GLRA3: variants seen among roughly 807,000 people sequenced by gnomAD.
The protein encoded by GLRA3 is glycine receptor alpha 3, also known as glycine receptor subunit alpha-3.
A neutral mutation model predicts 60.4 loss-of-function variants in GLRA3; 44 were observed. That is an observed-to-expected ratio of 0.73 (90% CI 0.57 to 0.94). GLRA3 has a LOEUF of 0.94. Ranked by LOEUF, GLRA3 falls within the 40% of genes least tolerant of loss-of-function variation. The probability of loss-of-function intolerance (pLI) is 0.00; values close to 1 mark genes in which losing one functional copy is unlikely to be tolerated. For missense variants in GLRA3, 508 were observed against 564.6 expected (o/e 0.90, Z 1.02); for synonymous variants, 223 against 192.9 (o/e 1.16, Z -1.29).
chr4:174,795,794 A>G (rs1739542304), intron 1 of GLRA3, among the ~76,000 whole-genome samples: 2 of 152,174 alleles, frequency 1.3e-5, no homozygotes, highest in African/African-American at 4.8e-5. Flanking sequence ...AGTTCAGTCG[A>G]TTACTCTGTG....
chr4:174,779,640 C>G (rs1265002909), intron 2 of GLRA3, among the ~76,000 whole-genome samples: 1 of 152,066 alleles, frequency 6.6e-6, no homozygotes, highest in African/African-American at 2.4e-5. Context: ...AGCTGAAAAC[C>G]AAGGCTCGAG....
chr4:174,765,202 A>T (rs1211655251), intron 3 of GLRA3, among the ~76,000 whole-genome samples: 1 of 152,040 alleles, frequency 6.6e-6, no homozygotes, highest in Non-Finnish European at 1.5e-5. Flanking sequence ...TTGTTAAGGT[A>T]AGAAATTTAA....
intron 3 of GLRA3, among the ~76,000 whole-genome samples, chr4:174,765,789 G>A (rs1738114842): frequency 6.6e-6 from 1 of 151,928 alleles, no homozygotes; most frequent in Admixed American, 6.6e-5. Context: ...TGTTAACTTA[G>A]ATTGTATCAT....
chr4:174,692,189 C>T (rs868722871), intron 5 of GLRA3, among the ~76,000 whole-genome samples: 19,197 of 150,386 alleles, frequency 0.13, 1,480 homozygotes, highest in Non-Finnish European at 0.18. Flanking sequence ...GGAGCGTCTC[C>T]ACCCAGCAGC....
intron 3 of GLRA3, among the ~76,000 whole-genome samples, chr4:174,730,333 T>C (rs1424698091): frequency 6.6e-6 from 1 of 152,160 alleles, no homozygotes; most frequent in East Asian, 1.9e-4. Flanking sequence ...TCAATACCAC[T>C]AAAGGAATCA....
At chr4:174,668,798 C>A (rs932315259) in intron 7 of GLRA3, among the ~76,000 whole-genome samples, 4 of 152,112 alleles carry the variant, frequency 2.6e-5, no homozygotes, top group African/African-American at 4.8e-5. Flanking sequence ...TTTGTCAATT[C>A]TTTTCTCAAT....
At chr4:174,772,252 A>G (rs1738419760) in intron 2 of GLRA3, among the ~76,000 whole-genome samples, 1 of 152,170 alleles carries the variant, frequency 6.6e-6, no homozygotes, top group South Asian at 2.1e-4. Context: ...AACAGACTTC[A>G]GCCTCAGCCT....
chr4:174,810,738 A>G (rs1740230424), intron 1 of GLRA3, among the ~76,000 whole-genome samples: 1 of 152,164 alleles, frequency 6.6e-6, no homozygotes, highest in African/African-American at 2.4e-5. Flanking sequence ...TATAAATGCA[A>G]GTTTGTGGTT....
chr4:174,729,428 G>A (rs896882427), intron 3 of GLRA3, among the ~76,000 whole-genome samples: 4 of 152,100 alleles, frequency 2.6e-5, no homozygotes, highest in African/African-American at 7.2e-5. Flanking sequence ...AAAAATAAAA[G>A]CTGATTTTAT....
intron 9 of GLRA3, 33 bp downstream of exon 9, chr4:174,656,710 T>C (rs769330661): frequency 1.1e-5 from 14 of 1,217,910 alleles, no homozygotes; most frequent in Non-Finnish European, 1.7e-5. Flanking sequence ...GATGACCACA[T>C]TCCTCTATTT....
chr4:174,693,646 T>G (rs886606006), intron 5 of GLRA3, among the ~76,000 whole-genome samples: 4 of 152,166 alleles, frequency 2.6e-5, no homozygotes, highest in African/African-American at 9.7e-5. Context: ...CCTCCTTGGT[T>G]CCATATGAAT....
intron 7 of GLRA3, among the ~76,000 whole-genome samples, chr4:174,676,101 T>C (rs1380825717): frequency 1.3e-5 from 2 of 152,150 alleles, no homozygotes; most frequent in Non-Finnish European, 2.9e-5. Flanking sequence ...TTAGACGTCA[T>C]TTTAGGGGAA....
chr4:174,828,798 C>T lies in GLRA3; in HGVS notation c.14G>A (p.Arg5Lys). The T allele has an allele frequency of 6.2e-7, 1 of 1,609,670 alleles. No homozygotes were observed. The change falls in exon 1 of 10, where the codon AGA becomes AAA. Residue 5 changes from arginine (R) to lysine (K), a missense_variant. Coordinates refer to ENST00000274093, the MANE Select transcript of GLRA3 (RefSeq NM_006529.4). ...TCCCGAAACTAATGTCCGAAAGTGTCTCACGTGGGCCATGATACGGAGAGA... is the reference window on the plus strand; with the variant it reads ...TCCCGAAACTAATGTCCGAAAGTGTTTCACGTGGGCCATGATACGGAGAGA... Reference protein sequence around the residue: MAHVRHFRTLVSGFY... With the variant: MAHVKHFRTLVSGFY...
intron 4 of GLRA3, among the ~76,000 whole-genome samples, chr4:174,725,190 C>T (rs1055221671): frequency 6.6e-6 from 1 of 152,190 alleles, no homozygotes; most frequent in Non-Finnish European, 1.5e-5. Context: ...GTTTCCCAGG[C>T]CCCACGGCCA....
At chr4:174,773,305 G>A (rs750624971) in intron 2 of GLRA3, among the ~76,000 whole-genome samples, 3 of 116,914 alleles carry the variant, frequency 2.6e-5, no homozygotes, top group East Asian at 7.8e-4. Context: ...GTAAGTTTTC[G>A]TTTAGATGTT....
chr4:174,643,305 AT>A lies in GLRA3; in HGVS notation c.*480del, dbSNP rs1395662630. On this transcript the variant is annotated 3_prime_UTR_variant, in exon 10 of 10. Coordinates refer to ENST00000274093, the MANE Select transcript of GLRA3 (RefSeq NM_006529.4). The stretch of plus-strand genomic sequence containing the variant: ...TATTTATATGTACAATCCTCCATTA[AT>A]ATGAGTGAATTTCCCACTGTAACTA... 9.6e-6 allele frequency: 6 copies of A among 623,568 alleles called. No individual in the cohort carries two copies. The highest frequency in any genetic ancestry group is 1.1e-5 in the Non-Finnish European group (6 of 525,294). 38.6% of individuals were successfully genotyped at this position (623,568 alleles called of 1,614,324 possible).
intron 1 of GLRA3, among the ~76,000 whole-genome samples, chr4:174,817,227 C>G (rs116381475): frequency 6.6e-6 from 1 of 152,268 alleles, no homozygotes; most frequent in East Asian, 1.9e-4. Context: ...TAAAGAGAAG[C>G]CTCTTCGTTC....
chr4:174,689,560 C>T (rs1734701576), intron 5 of GLRA3, among the ~76,000 whole-genome samples: 1 of 151,490 alleles, frequency 6.6e-6, no homozygotes, highest in Admixed American at 6.6e-5. Flanking sequence ...AACTTCTCAA[C>T]CTCCCCCTCT....
chr4:174,656,750 G>A lies in GLRA3; in HGVS notation c.1109C>T (p.Ser370Leu). ...AFALEKFYRFSDMDDEVRESR... is the reference protein window; with the variant it reads ...AFALEKFYRFLDMDDEVRESR... ...TTAAGAAAGTCAATTTACCATATCT[G>A]AGAAACGGTAAAACTTCTCCAGTGC... Residue 370 changes from serine (S) to leucine (L), a missense_variant, in exon 9 of 10, where the codon TCA becomes TTA. Ser to Leu is a moderately radical substitution (Grantham distance 145). Around this residue, in one of 3 missense-constraint regions of GLRA3, gnomAD observed 176 missense variants for 197.9 expected, o/e 0.89. Transcript: ENST00000274093. 1.3e-6 allele frequency: 2 copies of A among 1,566,966 alleles called. No homozygotes were observed. Among genetic ancestry groups the A allele is most frequent in the African/African-American group, 2.7e-5 (2 of 74,146 alleles).
Sources: allele counts gnomAD v4.1 joint callset (sites outside exome capture counted in the v4.1 genomes callset), GRCh38; gene constraint gnomAD v4.1.1; regional missense constraint gnomAD v4.1.1; transcripts MANE v1.5; gene names NCBI Gene and HGNC (gene_info 2026-07-23, HGNC 2026-07-21).